The following KIAA1328 variants were observed in gnomAD, a reference collection of about 807,000 sequenced individuals.
The protein encoded by KIAA1328 is protein hinderin.
A neutral mutation model predicts 68.1 loss-of-function variants in KIAA1328; 52 were observed. That is an observed-to-expected ratio of 0.76 (90% CI 0.61 to 0.96). The LOEUF is 0.96. Among genes scored for constraint, KIAA1328 ranks in the 40% least tolerant of loss-of-function variants. The probability of loss-of-function intolerance (pLI) is 0.00; values close to 1 mark genes in which losing one functional copy is unlikely to be tolerated. For missense variants in KIAA1328, 641 were observed against 677.6 expected, an observed-to-expected ratio of 0.95 and a Z score of 0.60; for synonymous variants, 232 against 239.4, an observed-to-expected ratio of 0.97 and a Z score of 0.28.
intron 5 of KIAA1328, among the ~76,000 whole-genome samples, chr18:36,909,306 C>T (rs909735294): frequency 4.7e-5 from 7 of 149,340 alleles, no homozygotes; most frequent in African/African-American, 1.7e-4. Context: ...CGACAGGCCC[C>T]GTTGTGTGAT....
intron 6 of KIAA1328, among the ~76,000 whole-genome samples, chr18:37,008,797 A>T (rs1212911150): frequency 6.6e-6 from 1 of 152,204 alleles, no homozygotes; most frequent in African/African-American, 2.4e-5. Context: ...AGAATGGAGT[A>T]ACAAAGGAAA....
intron 5 of KIAA1328, among the ~76,000 whole-genome samples, chr18:36,905,724 T>A (rs924276353): frequency 3.3e-5 from 5 of 152,164 alleles, no homozygotes; most frequent in Admixed American, 6.6e-5. Flanking sequence ...CTTCCATATC[T>A]GGAAATTATT....
At chr18:37,105,039 C>G (rs762873644) in intron 7 of KIAA1328, among the ~76,000 whole-genome samples, 3 of 152,174 alleles carry the variant, frequency 2.0e-5, no homozygotes, top group Non-Finnish European at 4.4e-5. Flanking sequence ...CACAACTAAC[C>G]TTTTCGCCTA....
intron 6 of KIAA1328, among the ~76,000 whole-genome samples, chr18:36,963,003 AC>A (rs1202656571): frequency 1.3e-5 from 2 of 152,180 alleles, no homozygotes; most frequent in Non-Finnish European, 2.9e-5. Context: ...GCACAAAAAA[AC>A]CCTTCAAAAA....
intron 6 of KIAA1328, among the ~76,000 whole-genome samples, chr18:37,016,793 C>G (rs1396628572): frequency 6.6e-6 from 1 of 152,054 alleles, no homozygotes; most frequent in East Asian, 1.9e-4. Context: ...TTTTGTATTT[C>G]TGTGGTATTG....
At chr18:36,934,134 T>G (rs2050413853) in intron 5 of KIAA1328, among the ~76,000 whole-genome samples, 1 of 152,030 alleles carries the variant, frequency 6.6e-6, no homozygotes, top group African/African-American at 2.4e-5. Context: ...ATCTTTCCCT[T>G]CACTCACCGC....
At chr18:36,848,491 C>T (rs77383670) in intron 4 of KIAA1328, among the ~76,000 whole-genome samples, 12 of 136,776 alleles carry the variant, frequency 8.8e-5, no homozygotes, top group African/African-American at 3.2e-4. Flanking sequence ...TAAAAGATGT[C>T]ATCTACAAGT....
chr18:37,039,042 C>T (rs557437533), intron 6 of KIAA1328, among the ~76,000 whole-genome samples: 6 of 152,218 alleles, frequency 3.9e-5, no homozygotes, highest in Admixed American at 6.5e-5. Flanking sequence ...ATAAACCAAC[C>T]TTACATTTCT....
intron 6 of KIAA1328, among the ~76,000 whole-genome samples, chr18:36,969,331 G>A (rs1183090040): frequency 6.6e-6 from 1 of 151,856 alleles, no homozygotes; most frequent in East Asian, 1.9e-4. Context: ...ACATTTAAAA[G>A]ATAAACGAAG....
chr18:37,133,125 G>T (rs2058561056), intron 7 of KIAA1328, among the ~76,000 whole-genome samples: 1 of 152,068 alleles, frequency 6.6e-6, no homozygotes, highest in Admixed American at 6.6e-5. Flanking sequence ...ATGAGGTCAG[G>T]AGTTCGAAAC....
chr18:37,229,650 G>A (rs764556425), downstream of KIAA1328: 45 of 808,380 alleles, frequency 5.6e-5, no homozygotes, highest in South Asian at 2.0e-4. Context: ...CGAGGCAGCC[G>A]GATCATGAGG....
chr18:36,994,814 C>G (rs2053325091), intron 6 of KIAA1328, among the ~76,000 whole-genome samples: 1 of 152,136 alleles, frequency 6.6e-6, no homozygotes, highest in South Asian at 2.1e-4. Context: ...TCTTTTCAGC[C>G]TTGCCTCTAC....
intron 6 of KIAA1328, among the ~76,000 whole-genome samples, chr18:37,038,750 C>T (rs555635375): frequency 1.3e-4 from 19 of 151,914 alleles, no homozygotes; most frequent in East Asian, 3.9e-4. Flanking sequence ...GATCAGAAGA[C>T]GTAAGAATAC....
chr18:37,171,902 T>C (rs2059506919), intron 8 of KIAA1328, among the ~76,000 whole-genome samples: 1 of 152,178 alleles, frequency 6.6e-6, no homozygotes, highest in Non-Finnish European at 1.5e-5. Flanking sequence ...AGTGAGACCC[T>C]GTCTCAATAA....
intron 5 of KIAA1328, among the ~76,000 whole-genome samples, chr18:36,948,261 GTTTT>G (rs1167822236): frequency 1.7e-5 from 2 of 115,742 alleles, no homozygotes; most frequent in African/African-American, 6.4e-5. Flanking sequence ...TTTGTCTTTT[GTTTT>G]TTTTTTTTTT....
rs922583160 is a variant in KIAA1328 at position 37,011,741 on chromosome 18, A to T, written c.576+52306A>T. 7.9e-5 allele frequency among the ~76,000 whole-genome samples: 12 copies of T among 152,314 alleles called. No individual in the cohort carries two copies. The East Asian group carries it at 2.1e-3, about 27-fold the overall frequency. On this transcript the variant is annotated intron_variant, in intron 6 of 9. Coordinates refer to ENST00000280020, the MANE Select transcript of KIAA1328 (RefSeq NM_020776.3). The stretch of plus-strand genomic sequence containing the variant: ...AAAAGGTTATATACTGTATGAATAC[A>T]TTTTTATGACATCCCAGAAAAGGAA...
At chr18:37,229,038 A>T (rs2060653188), downstream of KIAA1328, among the ~76,000 whole-genome samples, 1 of 152,118 alleles carries the variant, frequency 6.6e-6, no homozygotes, top group African/African-American at 2.4e-5. Flanking sequence ...TTGTTGTGAT[A>T]TATGCTTTAT....
At chr18:37,027,764 C>T (rs1314557015) in intron 6 of KIAA1328, among the ~76,000 whole-genome samples, 3 of 151,920 alleles carry the variant, frequency 2.0e-5, no homozygotes, top group Non-Finnish European at 4.4e-5. Context: ...CCATAAAAAC[C>T]CTAGAAGAAA....
chr18:37,133,103 G>T (rs572916364), intron 7 of KIAA1328, among the ~76,000 whole-genome samples: 1 of 152,244 alleles, frequency 6.6e-6, no homozygotes, highest in African/African-American at 2.4e-5. Context: ...GGGAGGCTGA[G>T]GCGGGTGGAT....
Sources: gnomAD v4.1 joint callset for allele counts (sites outside exome capture counted in the v4.1 genomes callset) on GRCh38, gnomAD v4.1.1 for gene constraint, MANE v1.5 for transcripts, NCBI Gene and HGNC (gene_info 2026-07-23, HGNC 2026-07-21) for gene names.